The following INTU variants were observed in gnomAD, a reference collection of about 807,000 sequenced individuals.
INTU encodes the protein protein inturned.
In INTU, 68 loss-of-function variants were observed where a neutral mutation model predicts 100.5. That is an observed-to-expected ratio of 0.68 (90% CI 0.56 to 0.83). INTU has a LOEUF of 0.83. Among genes scored for constraint, INTU ranks in the 40% least tolerant of loss-of-function variants. The pLI, the probability that INTU is intolerant of heterozygous loss-of-function variation, is 0.00. For synonymous variants in INTU, 357 were observed against 395.7 expected (o/e 0.90, Z 1.16); for missense variants, 1,071 against 1,114.7 (o/e 0.96, Z 0.56).
intron 6 of INTU, among the ~76,000 whole-genome samples, chr4:127,681,688 C>T (rs962447324): frequency 6.6e-6 from 1 of 152,288 alleles, no homozygotes; most frequent in African/African-American, 2.4e-5. Flanking sequence ...AGGACATAGG[C>T]ATGGGCAAGG....
At chr4:127,659,466 T>C (rs1728377447) in intron 3 of INTU, among the ~76,000 whole-genome samples, 1 of 152,202 alleles carries the variant, frequency 6.6e-6, no homozygotes, top group Non-Finnish European at 1.5e-5. Context: ...TTACAACTTT[T>C]CTGTAGTTTT....
intron 6 of INTU, among the ~76,000 whole-genome samples, chr4:127,680,816 C>G (rs1729500449): frequency 1.3e-5 from 2 of 151,762 alleles, no homozygotes; most frequent in South Asian, 4.2e-4. Flanking sequence ...CAAATTGTCC[C>G]TGTTTGCAGA....
At chr4:127,687,552 T>C (rs544666125) in intron 7 of INTU, 126 bp from the exon 8 acceptor site, 15 of 698,312 alleles carry the variant, frequency 2.1e-5, no homozygotes, top group African/African-American at 1.8e-4. Flanking sequence ...AGCAATTCTA[T>C]TGAAGGAAGA....
chr4:127,669,085 A>G lies in INTU; in HGVS notation c.1022A>G (p.Lys341Arg). 1 of 1,550,186 alleles carries G rather than the reference A, an allele frequency of 6.5e-7. No individual in the cohort carries two copies. Among genetic ancestry groups the G allele is most frequent in the Non-Finnish European group, 8.8e-7 (1 of 1,141,130 alleles). ...YPMSEASQKL[K>R]SVRGIFLTLC... ...ATGTCTGAAGCATCTCAGAAACTTA[A>G]AAGTGTGAGAGGGATTTTTCTCACA... The change falls in exon 5 of 16, where the codon AAA (lysine) becomes AGA (arginine). Residue 341 changes from lysine (K) to arginine (R), a missense_variant. Transcript: ENST00000335251.
At chr4:127,707,119 A>C (rs1379503715) in intron 12 of INTU, 150 bp downstream of exon 12, 3 of 997,270 alleles carry the variant, frequency 3.0e-6, no homozygotes, top group Non-Finnish European at 2.9e-6. Flanking sequence ...AATGATTTTG[A>C]ACCAAAAAGA....
chr4:127,712,281 T>C (rs1055412777), intron 14 of INTU, among the ~76,000 whole-genome samples: 2 of 152,210 alleles, frequency 1.3e-5, no homozygotes, highest in Non-Finnish European at 2.9e-5. Flanking sequence ...GATTTTTTTT[T>C]GAGTCCTCAG....
At position 127,635,147 on chromosome 4, in the gene INTU, A is replaced by G. The variant is rs1301062993; in HGVS notation, c.146+1967A>G. 2.0e-5 allele frequency among the ~76,000 whole-genome samples: 3 copies of G among 152,214 alleles called. No individual in the cohort carries two copies. In the East Asian group the frequency reaches 5.8e-4, roughly 29 times the overall value. On this transcript the variant is annotated intron_variant, in intron 1 of 15. Coordinates refer to ENST00000335251, the MANE Select transcript of INTU (RefSeq NM_015693.4). ...ATGCTTTGTACCTGAGCTGTATGTG[A>G]TTGTCAATATAGAATTTAAAAGTTT...
intron 2 of INTU, 124 bp downstream of exon 2, chr4:127,644,180 A>G (rs376947781): frequency 2.0e-6 from 2 of 1,018,100 alleles, no homozygotes; most frequent in Middle Eastern, 2.6e-4. Flanking sequence ...GATTAATGAC[A>G]TTTGGTACAG....
chr4:127,676,599 AAGAG>A (rs66522379), intron 6 of INTU, among the ~76,000 whole-genome samples: 1 of 147,020 alleles, frequency 6.8e-6, no homozygotes, highest in Admixed American at 6.8e-5. Context: ...AAAAAAAAAA[AAGAG>A]AGAGAGAGGT....
At chr4:127,672,691 T>C (rs1023964019) in intron 5 of INTU, among the ~76,000 whole-genome samples, 6 of 152,100 alleles carry the variant, frequency 3.9e-5, no homozygotes, top group African/African-American at 1.4e-4. Flanking sequence ...TAAACTATAG[T>C]AATATTAGTA....
intron 1 of INTU, among the ~76,000 whole-genome samples, chr4:127,641,700 T>A (rs1445631098): frequency 6.6e-6 from 1 of 152,136 alleles, no homozygotes; most frequent in Non-Finnish European, 1.5e-5. Context: ...TTTCTCACTT[T>A]CTCTTCTTTA....
At chr4:127,650,790 C>T (rs1018636927) in intron 2 of INTU, among the ~76,000 whole-genome samples, 10 of 151,610 alleles carry the variant, frequency 6.6e-5, no homozygotes, top group East Asian at 3.9e-4. Context: ...CCTGAGGAAT[C>T]GCCACACTGA....
chr4:127,720,862 T>C lies in INTU; in HGVS notation c.*4426T>C, dbSNP rs573665289. 6.6e-6 allele frequency: 1 copy of C among 152,318 alleles called. No homozygotes were observed. Among genetic ancestry groups the C allele is most frequent in the African/African-American group, 2.4e-5 (1 of 41,574 alleles). 9.4% of individuals were successfully genotyped at this position (152,318 alleles called of 1,614,324 possible). On this transcript the variant is annotated 3_prime_UTR_variant, in exon 16 of 16. Coordinates refer to ENST00000335251, the MANE Select transcript of INTU (RefSeq NM_015693.4). ...CATCCTTTTATTTTGAGTCTATGTGTGTCCTTGCATGTGAGATGGGTCTCT... is the reference window on the plus strand; with the variant it reads ...CATCCTTTTATTTTGAGTCTATGTGCGTCCTTGCATGTGAGATGGGTCTCT...
At chr4:127,705,306 A>C (rs1243694845) in intron 10 of INTU, among the ~76,000 whole-genome samples, 1 of 152,192 alleles carries the variant, frequency 6.6e-6, no homozygotes, top group Admixed American at 6.5e-5. Flanking sequence ...TTCCATTCTC[A>C]GAATTCAGTT....
At chr4:127,698,474 A>G (rs1279315123) in intron 8 of INTU, among the ~76,000 whole-genome samples, 1 of 151,926 alleles carries the variant, frequency 6.6e-6, no homozygotes, top group Non-Finnish European at 1.5e-5. Context: ...AAAAAAAAAA[A>G]AAAGTCGTGT....
chr4:127,667,798 G>A (rs532012287), intron 4 of INTU, among the ~76,000 whole-genome samples: 4 of 152,150 alleles, frequency 2.6e-5, no homozygotes, highest in South Asian at 4.1e-4. Context: ...TAGGCAGAGT[G>A]TATTTGGCCA....
intron 8 of INTU, among the ~76,000 whole-genome samples, chr4:127,689,719 G>A (rs748521696): frequency 6.6e-6 from 1 of 151,590 alleles, no homozygotes; most frequent in Admixed American, 6.6e-5. Flanking sequence ...AAAGGAAAAA[G>A]GAAAGGAGAA....
chr4:127,708,157 A>G (rs1333438525), intron 12 of INTU, among the ~76,000 whole-genome samples: 1 of 152,212 alleles, frequency 6.6e-6, no homozygotes, highest in African/African-American at 2.4e-5. Context: ...AATAGCTCCT[A>G]AGAGAAATTG....
chr4:127,638,951 T>C (rs533733609), intron 1 of INTU, among the ~76,000 whole-genome samples: 2 of 152,294 alleles, frequency 1.3e-5, no homozygotes, highest in East Asian at 3.9e-4. Flanking sequence ...AGATCTGAAT[T>C]AAAACTGCTA....
Sources: allele counts gnomAD v4.1 joint callset (sites outside exome capture counted in the v4.1 genomes callset), GRCh38; gene constraint gnomAD v4.1.1; transcripts MANE v1.5; gene names NCBI Gene and HGNC (gene_info 2026-07-23, HGNC 2026-07-21).